The following MFSD6 variants were observed in gnomAD, a reference collection of about 807,000 sequenced individuals.
MFSD6 encodes the protein major facilitator superfamily domain-containing protein 6.
MFSD6 carries 26 observed loss-of-function variants against 56.3 expected under a neutral mutation model. That is an observed-to-expected ratio of 0.46 (90% CI 0.34 to 0.64). MFSD6 has a LOEUF of 0.64. MFSD6 is among the 30% of genes least tolerant of loss of function. MFSD6 has a pLI of 0.01. For missense variants in MFSD6, 750 were observed against 986.2 expected (o/e 0.76, Z 3.21); for synonymous variants, 331 against 366.9 (o/e 0.90, Z 1.12).
chr2:190,449,507 C>A (rs1686698282), intron 3 of MFSD6, among the ~76,000 whole-genome samples: 1 of 152,016 alleles, frequency 6.6e-6, no homozygotes, highest in South Asian at 2.1e-4. Flanking sequence ...CTGTGTCCAA[C>A]AACTTTGATT....
chr2:190,472,376 G>C (rs1247007713), intron 4 of MFSD6, among the ~76,000 whole-genome samples: 2 of 152,202 alleles, frequency 1.3e-5, no homozygotes, highest in Non-Finnish European at 2.9e-5. Flanking sequence ...AATAACCAAT[G>C]CAGAGAAGTC....
In MFSD6 at chr2:190,437,782, C is replaced by T. The variant is rs1686228616; in HGVS notation, c.1532+221C>T. Among the ~76,000 whole-genome samples the T allele has an allele frequency of 6.6e-6, 1 of 152,112 alleles. No homozygotes were observed. Among genetic ancestry groups the T allele is most frequent in the African/African-American group, 2.4e-5 (1 of 41,414 alleles). On this transcript the variant is annotated intron_variant, in intron 3 of 7. Coordinates refer to ENST00000392328, the MANE Select transcript of MFSD6 (RefSeq NM_017694.4). This position sits in a 1 kb window ranked among gnomAD's most constrained non-coding sequence, Gnocchi z 5.9. ...TCTCAAATAAACAAAGAATGGCTTC[C>T]TCTGCTCTCCCACCCCACAGAAAAG...
chr2:190,484,602 A>G (rs1688904350), intron 4 of MFSD6, among the ~76,000 whole-genome samples: 1 of 152,192 alleles, frequency 6.6e-6, no homozygotes. Flanking sequence ...CAAATGTAGT[A>G]AAAACATTGG....
rs889719489 is a variant in MFSD6, at chr2:190,434,323, T to A, written c.-53-1654T>A. On this transcript the variant is annotated intron_variant, in intron 2 of 7. Coordinates refer to ENST00000392328, the MANE Select transcript of MFSD6 (RefSeq NM_017694.4). This position sits in a 1 kb window ranked among gnomAD's most constrained non-coding sequence, Gnocchi z 4.3. ...CAAGACCTTTTGACACTTTAATCAT[T>A]CAATCTTTAATAGAAGAAAGGGAAA... Among the ~76,000 whole-genome samples, 13 of 152,192 alleles carry A rather than the reference T, an allele frequency of 8.5e-5. No individual in the cohort carries two copies. Among genetic ancestry groups the A allele is most frequent in the Admixed American group, 7.2e-4 (11 of 15,294 alleles).
chr2:190,409,558 G>A (rs1354134944), intron 1 of MFSD6, among the ~76,000 whole-genome samples: 1 of 152,042 alleles, frequency 6.6e-6, no homozygotes, highest in Non-Finnish European at 1.5e-5. Context: ...ATATTATAGT[G>A]GCCAAAATTT....
chr2:190,429,687 A>G (rs1685901791), intron 2 of MFSD6, among the ~76,000 whole-genome samples: 1 of 152,164 alleles, frequency 6.6e-6, no homozygotes, highest in African/African-American at 2.4e-5. Flanking sequence ...TGTCTTATTT[A>G]GTAAATATTT....
chr2:190,414,035 A>AAGC (rs1389599646), intron 1 of MFSD6, among the ~76,000 whole-genome samples: 1 of 152,156 alleles, frequency 6.6e-6, no homozygotes, highest in Non-Finnish European at 1.5e-5. Context: ...CACCACACCA[A>AAGC]ACACATAAAG....
Position 190,431,469 on chromosome 2 carries a change from G to C in MFSD6, c.-53-4508G>C, listed in dbSNP as rs559418500. ...TGCAATCCCGGCACCTCTGGAGGCC[G>C]AGGCTGGCGGATCACTCGCGATTAG... On this transcript the variant is annotated intron_variant, in intron 2 of 7. Transcript: ENST00000392328. The surrounding 1 kb of genome is among the most constrained non-coding windows in gnomAD (Gnocchi z 4.4). Among the ~76,000 whole-genome samples, 22 of 152,344 alleles carry C rather than the reference G, an allele frequency of 1.4e-4. No individual in the cohort carries two copies. Among genetic ancestry groups the C allele is most frequent in the Admixed American group, 3.9e-4 (6 of 15,308 alleles).
At chr2:190,484,806 T>C (rs1050940044) in intron 4 of MFSD6, among the ~76,000 whole-genome samples, 1 of 152,236 alleles carries the variant, frequency 6.6e-6, no homozygotes, top group African/African-American at 2.4e-5. Context: ...TTATACGATA[T>C]CTTAAAATAA....
In MFSD6 at chr2:190,465,630, C is replaced by G. The variant is rs6714442; in HGVS notation, c.1533-4128C>G. ...TTCCTTTATATTAGCAAATCCCTAA[C>G]TGTATTAGAGTGAATGTGTTCATTT... On this transcript the variant is annotated intron_variant, in intron 3 of 7. Transcript: ENST00000392328. This position sits in a 1 kb window ranked among gnomAD's most constrained non-coding sequence, Gnocchi z 4.6. Among the ~76,000 whole-genome samples, 2,823 of 152,256 alleles carry G rather than the reference C, an allele frequency of 0.019. 114 individuals carry two copies. Among genetic ancestry groups the G allele is most frequent in the African/African-American group, 0.064 (2,664 of 41,530 alleles).
Position 190,465,730 on chromosome 2 carries a change from C to T in MFSD6, c.1533-4028C>T, listed in dbSNP as rs567140149. On this transcript the variant is annotated intron_variant, in intron 3 of 7. Transcript: ENST00000392328. This position sits in a 1 kb window ranked among gnomAD's most constrained non-coding sequence, Gnocchi z 4.6. ...GTTTATGGCCGGGCGTGGTGGCTCA[C>T]GCCTATAATCCCAGCACTTTGGGAG... is the stretch of plus-strand genomic sequence containing the variant. Among the ~76,000 whole-genome samples, 7 of 152,154 alleles carry T rather than the reference C, an allele frequency of 4.6e-5. No homozygotes were observed. The South Asian group carries it at 8.3e-4, about 18-fold the overall frequency.
At chr2:190,473,438 T>G (rs1430203709) in intron 4 of MFSD6, among the ~76,000 whole-genome samples, 2 of 152,174 alleles carry the variant, frequency 1.3e-5, no homozygotes, top group Non-Finnish European at 2.9e-5. Flanking sequence ...GTTGCAATCC[T>G]GGTCTCTGAT....
At chr2:190,475,002 C>T (rs1260545147) in intron 4 of MFSD6, among the ~76,000 whole-genome samples, 2 of 151,912 alleles carry the variant, frequency 1.3e-5, no homozygotes, top group Admixed American at 1.3e-4. Flanking sequence ...AAAGCCTTTG[C>T]AAAATTCAAC....
In MFSD6 at chr2:190,495,682, T is replaced by A. The variant is rs552250780; in HGVS notation, c.1892-1757T>A. On this transcript the variant is annotated intron_variant, in intron 6 of 7. Coordinates refer to ENST00000392328, the MANE Select transcript of MFSD6 (RefSeq NM_017694.4). This position sits in a 1 kb window ranked among gnomAD's most constrained non-coding sequence, Gnocchi z 4.7. The stretch of plus-strand genomic sequence containing the variant: ...CCAATGAAACAGAATAGAAAACCCA[T>A]AAATAAAGCCAAATACAGCCAACTG... 6.6e-6 allele frequency among the ~76,000 whole-genome samples: 1 copy of A among 151,688 alleles called. No homozygotes were observed. The highest frequency in any genetic ancestry group is 6.6e-5 in the Admixed American group (1 of 15,250).
chr2:190,476,599 G>T (rs927207289), intron 4 of MFSD6, among the ~76,000 whole-genome samples: 1 of 152,202 alleles, frequency 6.6e-6, no homozygotes, highest in Non-Finnish European at 1.5e-5. Context: ...CTTTTACACT[G>T]TTGGTGGGAC....
At chr2:190,429,228 G>A (rs554047478) in intron 2 of MFSD6, among the ~76,000 whole-genome samples, 1 of 29,814 alleles carries the variant, frequency 3.4e-5, no homozygotes, top group East Asian at 1.3e-3. Flanking sequence ...CTTTTGTTAC[G>A]TGTGTGTGTG....
chr2:190,424,951 G>A lies in MFSD6; in HGVS notation c.-54+9538G>A, dbSNP rs1233880344. 6.6e-6 allele frequency among the ~76,000 whole-genome samples: 1 copy of A among 152,152 alleles called. No homozygotes were observed. Among genetic ancestry groups the A allele is most frequent in the Non-Finnish European group, 1.5e-5 (1 of 68,030 alleles). ...TGTTGCTGAGATTTTGATAGGAGTTGTGTTAAACCTGTATATCAATTTGAG... is the reference window on the plus strand; with the variant it reads ...TGTTGCTGAGATTTTGATAGGAGTTATGTTAAACCTGTATATCAATTTGAG... On this transcript the variant is annotated intron_variant, in intron 2 of 7. Transcript: ENST00000392328. This position sits in a 1 kb window ranked among gnomAD's most constrained non-coding sequence, Gnocchi z 5.9.
intron 3 of MFSD6, among the ~76,000 whole-genome samples, chr2:190,452,757 C>G (rs907363597): frequency 6.6e-6 from 1 of 152,112 alleles, no homozygotes; most frequent in African/African-American, 2.4e-5. Flanking sequence ...TGTAAAGTGC[C>G]CCCACGTCCC....
chr2:190,483,527 G>A (rs1688821745), intron 4 of MFSD6, among the ~76,000 whole-genome samples: 1 of 152,106 alleles, frequency 6.6e-6, no homozygotes, highest in African/African-American at 2.4e-5. Flanking sequence ...TGTAGAGTAA[G>A]CTGATGTGAT....
Sources: gnomAD v4.1 joint callset for allele counts (sites outside exome capture counted in the v4.1 genomes callset) on GRCh38, gnomAD v4.1.1 for gene constraint, Gnocchi (gnomAD v3.1) non-coding constraint, MANE v1.5 for transcripts, NCBI Gene and HGNC (gene_info 2026-07-23, HGNC 2026-07-21) for gene names.